DPYD: variants seen among roughly 807,000 people sequenced by gnomAD.
The protein encoded by DPYD is dihydropyrimidine dehydrogenase.
In DPYD, 109 loss-of-function variants were observed where a neutral mutation model predicts 116.2. The observed-to-expected ratio is 0.94, with a 90% CI of 0.80 to 1.10. The LOEUF (loss-of-function observed/expected upper bound fraction) is 1.10. Among genes scored for constraint, DPYD ranks in the 50% least tolerant of loss-of-function variants. DPYD has a pLI of 0.00. For missense variants in DPYD, 1,302 were observed against 1,254.5 expected, an observed-to-expected ratio of 1.04 and a Z score of -0.57; for synonymous variants, 440 against 432.0, an observed-to-expected ratio of 1.02 and a Z score of -0.23.
intron 19 of DPYD, among the ~76,000 whole-genome samples, chr1:97,225,464 C>T (rs1050982912): frequency 7.9e-5 from 12 of 151,552 alleles, no homozygotes; most frequent in Non-Finnish European, 1.6e-4. Context: ...AGAATATTAA[C>T]GTCTACACTC....
intron 12 of DPYD, among the ~76,000 whole-genome samples, chr1:97,542,237 C>T (rs1650500889): frequency 6.6e-6 from 1 of 152,106 alleles, no homozygotes; most frequent in South Asian, 2.1e-4. Flanking sequence ...TTTGTCCACC[C>T]TATGCTTTTT....
chr1:97,862,132 G>A (rs1671148138), intron 2 of DPYD, among the ~76,000 whole-genome samples: 1 of 151,678 alleles, frequency 6.6e-6, no homozygotes, highest in Admixed American at 6.6e-5. Context: ...TTTTTTAAAG[G>A]GGAATTTTCC....
At chr1:97,721,014 G>A in intron 5 of DPYD, 1 of 1,513,556 alleles carries the variant, frequency 6.6e-7, no homozygotes, top group Admixed American at 2.3e-5. Flanking sequence ...CAATCTATAA[G>A]TTCACAAAAT....
At chr1:97,411,472 T>C (rs948142898) in intron 14 of DPYD, among the ~76,000 whole-genome samples, 4 of 152,054 alleles carry the variant, frequency 2.6e-5, no homozygotes, top group Admixed American at 2.0e-4. Context: ...CACCTCCATT[T>C]TGAGCTGTCA....
chr1:97,870,392 T>C (rs916915353), intron 2 of DPYD, among the ~76,000 whole-genome samples: 1 of 151,830 alleles, frequency 6.6e-6, no homozygotes, highest in Non-Finnish European at 1.5e-5. Flanking sequence ...TGGATCTTTA[T>C]CGTGTTATAT....
intron 19 of DPYD, among the ~76,000 whole-genome samples, chr1:97,227,657 A>AACTAGTAGTGAAGAAGTTATAT (rs570981159): frequency 0.026 from 4,021 of 152,026 alleles, 181 homozygotes; most frequent in African/African-American, 0.092. Context: ...TTTTCTCAGC[A>AACTAGTAGTGAAGAAGTTATAT]CTGCTTAAAC....
intron 4 of DPYD, among the ~76,000 whole-genome samples, chr1:97,730,250 C>G (rs1340506700): frequency 6.6e-6 from 1 of 152,126 alleles, no homozygotes; most frequent in Non-Finnish European, 1.5e-5. Context: ...TAGACAGAGT[C>G]TGGCTCTGTC....
intron 3 of DPYD, among the ~76,000 whole-genome samples, chr1:97,792,688 C>T (rs1284287755): frequency 1.3e-5 from 2 of 152,182 alleles, no homozygotes; most frequent in Non-Finnish European, 2.9e-5. Context: ...TCAATCACAT[C>T]AAAACGCCCA....
chr1:97,291,480 A>G (rs552480138), intron 18 of DPYD, among the ~76,000 whole-genome samples: 18 of 152,254 alleles, frequency 1.2e-4, no homozygotes, highest in African/African-American at 3.1e-4. Flanking sequence ...AATGTGGCAC[A>G]TATACACCAT....
intron 1 of DPYD, among the ~76,000 whole-genome samples, chr1:97,893,802 G>A (rs1022577841): frequency 1.4e-4 from 21 of 151,500 alleles, no homozygotes; most frequent in African/African-American, 5.1e-4. Flanking sequence ...TCTTTGCAAG[G>A]CCCAGTGTGT....
At chr1:97,712,990 C>A (rs935668621) in intron 5 of DPYD, among the ~76,000 whole-genome samples, 1 of 152,092 alleles carries the variant, frequency 6.6e-6, no homozygotes, top group South Asian at 2.1e-4. Context: ...ATAACCTAGT[C>A]CCCATGTTTT....
rs372083791 is a variant in DPYD at position 97,344,188 on chromosome 1, AAGAG to A, written c.2058+29369_2058+29372del. 1.1e-3 allele frequency among the ~76,000 whole-genome samples: 173 copies of A among 151,082 alleles called. 1 individual carries two copies. The highest frequency in any genetic ancestry group is 2.7e-3 in the South Asian group (13 of 4,792). On this transcript the variant is annotated intron_variant, in intron 16 of 22. Coordinates refer to ENST00000370192, the MANE Select transcript of DPYD (RefSeq NM_000110.4). ...GTCATTATTTCTTAAAAATAAAAAAAAGAGAGAGAGAGAGAGAGAATCTCGCCAA... is the reference window on the plus strand; with the variant it reads ...GTCATTATTTCTTAAAAATAAAAAAAAGAGAGAGAGAGAGAATCTCGCCAA...
chr1:97,859,766 A>C (rs966155517), intron 2 of DPYD, among the ~76,000 whole-genome samples: 8 of 152,156 alleles, frequency 5.3e-5, no homozygotes, highest in Non-Finnish European at 4.4e-5. Context: ...TTATTTAATA[A>C]TAGTAAAAAT....
At chr1:97,511,626 G>A (rs1647807736) in intron 13 of DPYD, among the ~76,000 whole-genome samples, 1 of 151,844 alleles carries the variant, frequency 6.6e-6, no homozygotes, top group Non-Finnish European at 1.5e-5. Flanking sequence ...TTATGAGAAG[G>A]GTGATATGGG....
rs541571118 is a variant in DPYD, at chr1:97,085,566, C to A, written c.2767-3096G>T. Among the ~76,000 whole-genome samples the A allele has an allele frequency of 5.3e-5, 8 of 152,232 alleles. No individual in the cohort carries two copies. In the South Asian group the frequency reaches 1.7e-3, roughly 32 times the overall value. ...TAAAAGAATGACAACTATTTTAAATCATTTTGGGAAAGAGTAGCAAAAAAA... is the reference window on the plus strand; with the variant it reads ...TAAAAGAATGACAACTATTTTAAATAATTTTGGGAAAGAGTAGCAAAAAAA... On this transcript the variant is annotated intron_variant, in intron 21 of 22. Coordinates refer to ENST00000370192, the MANE Select transcript of DPYD (RefSeq NM_000110.4).
chr1:97,229,565 T>TATATATATATATATATATATATATAC (rs1661444224), intron 19 of DPYD, among the ~76,000 whole-genome samples: 1 of 129,202 alleles, frequency 7.7e-6, no homozygotes, highest in Non-Finnish European at 1.8e-5. Context: ...TATATATATA[T>TATATATATATATATATATATATATAC]ATATATATAT....
At chr1:97,174,553 G>C (rs886790110) in intron 20 of DPYD, among the ~76,000 whole-genome samples, 6 of 152,144 alleles carry the variant, frequency 3.9e-5, no homozygotes, top group African/African-American at 1.4e-4. Context: ...CTGGTTTCCA[G>C]CCAAGATTTT....
chr1:97,522,377 G>A (rs1041554027), intron 12 of DPYD, among the ~76,000 whole-genome samples: 21 of 152,166 alleles, frequency 1.4e-4, no homozygotes, highest in African/African-American at 4.8e-4. Flanking sequence ...AGCTCCTTGA[G>A]GACAGTGACC....
At chr1:97,610,506 T>C (rs1655874155) in intron 8 of DPYD, among the ~76,000 whole-genome samples, 1 of 152,046 alleles carries the variant, frequency 6.6e-6, no homozygotes, top group African/African-American at 2.4e-5. Context: ...CAACTGGCAT[T>C]TCAGGAAAGA....
Sources: gnomAD v4.1 joint callset for allele counts (sites outside exome capture counted in the v4.1 genomes callset) on GRCh38, gnomAD v4.1.1 for gene constraint, MANE v1.5 for transcripts, NCBI Gene and HGNC (gene_info 2026-07-23, HGNC 2026-07-21) for gene names.